Variants in CSMD1 observed in about 807,000 individuals in gnomAD.
CSMD1 encodes the protein CUB and Sushi multiple domains 1, also known as CUB and sushi domain-containing protein 1.
In CSMD1, 213 loss-of-function variants were observed where a neutral mutation model predicts 417.5. That is an observed-to-expected ratio of 0.51 (90% CI 0.46 to 0.57). CSMD1 has a LOEUF of 0.57. Among genes scored for constraint, CSMD1 ranks in the 20% least tolerant of loss-of-function variants. The probability of loss-of-function intolerance (pLI) is 0.00; values close to 1 mark genes in which losing one functional copy is unlikely to be tolerated. For synonymous variants in CSMD1, 2,862 were observed against 1,736.8 expected, an observed-to-expected ratio of 1.65 and a Z score of -16.11; for missense variants, 6,923 against 4,529.7, an observed-to-expected ratio of 1.53 and a Z score of -15.17.
At chr8:4,004,577 CAT>C (rs1408945689) in intron 4 of CSMD1, among the ~76,000 whole-genome samples, 2 of 151,888 alleles carry the variant, frequency 1.3e-5, no homozygotes, top group African/African-American at 4.8e-5. Flanking sequence ...ATAAACAAAA[CAT>C]ATTTATTTGG....
At chr8:3,286,347 T>C (rs1356445088) in intron 25 of CSMD1, among the ~76,000 whole-genome samples, 3 of 152,180 alleles carry the variant, frequency 2.0e-5, no homozygotes, top group Admixed American at 1.3e-4. Flanking sequence ...TACCCAGTAA[T>C]GGGATGGCTG....
chr8:4,729,633 G>C (rs1339181225), intron 1 of CSMD1, among the ~76,000 whole-genome samples: 1 of 152,172 alleles, frequency 6.6e-6, no homozygotes, highest in Non-Finnish European at 1.5e-5. Flanking sequence ...AGAAAGGGGG[G>C]AATGCAAACT....
intron 5 of CSMD1, among the ~76,000 whole-genome samples, chr8:3,892,251 C>T (rs1030040351): frequency 6.6e-6 from 1 of 152,154 alleles, no homozygotes; most frequent in Admixed American, 6.6e-5. Context: ...ACTCAGATAC[C>T]TGAACATTCA....
intron 2 of CSMD1, among the ~76,000 whole-genome samples, chr8:4,608,665 T>A (rs1390416678): frequency 2.6e-5 from 4 of 152,220 alleles, no homozygotes; most frequent in African/African-American, 9.6e-5. Context: ...TATTAAGCAA[T>A]GTCCTAAAGT....
At chr8:4,466,281 G>C (rs568662139) in intron 2 of CSMD1, among the ~76,000 whole-genome samples, 2 of 151,942 alleles carry the variant, frequency 1.3e-5, no homozygotes, top group African/African-American at 4.8e-5. Context: ...AGCTTGATGA[G>C]GAAGAAAACA....
chr8:4,117,016 C>CTT (rs1235688483), intron 3 of CSMD1, among the ~76,000 whole-genome samples: 1 of 151,156 alleles, frequency 6.6e-6, no homozygotes, highest in African/African-American at 2.4e-5. Context: ...GACGCTTAAC[C>CTT]TTTTTTTTTC....
At chr8:4,313,874 C>T (rs1488227700) in intron 3 of CSMD1, among the ~76,000 whole-genome samples, 1 of 151,946 alleles carries the variant, frequency 6.6e-6, no homozygotes, top group Non-Finnish European at 1.5e-5. Flanking sequence ...ATTAGCTAGG[C>T]ATGGTGGTGC....
chr8:4,018,195 T>C (rs530480015), intron 4 of CSMD1, among the ~76,000 whole-genome samples: 1 of 152,342 alleles, frequency 6.6e-6, no homozygotes, highest in South Asian at 2.1e-4. Context: ...TTTTACATAA[T>C]TTAAAAATAT....
chr8:3,139,627 C>T (rs7008336), intron 41 of CSMD1, among the ~76,000 whole-genome samples: 8,246 of 152,092 alleles, frequency 0.054, 742 homozygotes, highest in African/African-American at 0.19. Flanking sequence ...TTTTCTGGAA[C>T]TATGTTTTAG....
At chr8:4,105,899 G>A (rs1409038878) in intron 3 of CSMD1, among the ~76,000 whole-genome samples, 1 of 152,180 alleles carries the variant, frequency 6.6e-6, no homozygotes, top group Non-Finnish European at 1.5e-5. Flanking sequence ...CTCTGTGCTG[G>A]CCCCTGCAGG....
In CSMD1 at chr8:3,404,440, C is replaced by A. The variant is rs535485050; in HGVS notation, c.2266+1587G>T. Among the ~76,000 whole-genome samples the A allele has an allele frequency of 5.9e-5, 9 of 152,146 alleles. No individual in the cohort carries two copies. The South Asian group carries it at 1.9e-3, about 32-fold the overall frequency. On this transcript the variant is annotated intron_variant, in intron 15 of 69. Coordinates refer to ENST00000635120, the MANE Select transcript of CSMD1 (RefSeq NM_033225.6). Reference sequence around the variant, plus strand: ...ATGAGGTGGTGAAGGATCATGCCCCCACCATACTGTGGTTGTCATGGAGGA... The same window carrying A: ...ATGAGGTGGTGAAGGATCATGCCCCAACCATACTGTGGTTGTCATGGAGGA...
chr8:4,970,727 G>T (rs1363164001), intron 1 of CSMD1, among the ~76,000 whole-genome samples: 2 of 152,116 alleles, frequency 1.3e-5, no homozygotes, highest in African/African-American at 4.8e-5. Flanking sequence ...TTCTGAAAGA[G>T]CAAGTGTGCC....
At chr8:3,313,865 C>G (rs60199712) in intron 23 of CSMD1, among the ~76,000 whole-genome samples, 4,113 of 152,212 alleles carry the variant, frequency 0.027, 128 homozygotes, top group East Asian at 0.1. Context: ...GATTTGGAAC[C>G]AACCCAAATG....
intron 1 of CSMD1, among the ~76,000 whole-genome samples, chr8:4,965,894 G>C (rs1048555028): frequency 5.3e-5 from 8 of 152,106 alleles, no homozygotes; most frequent in Non-Finnish European, 1.2e-4. Flanking sequence ...CATAAGTAGA[G>C]AAAGATAACT....
intron 25 of CSMD1, among the ~76,000 whole-genome samples, chr8:3,284,815 T>C (rs1056577687): frequency 6.6e-6 from 1 of 152,222 alleles, no homozygotes; most frequent in Non-Finnish European, 1.5e-5. Context: ...TTACGACCTT[T>C]TCTACCTGTG....
At chr8:3,120,904 A>T (rs753582993) in intron 41 of CSMD1, among the ~76,000 whole-genome samples, 4 of 152,212 alleles carry the variant, frequency 2.6e-5, no homozygotes, top group Non-Finnish European at 5.9e-5. Context: ...CAATGATGGC[A>T]ACATTATTTG....
chr8:3,037,279 C>A (rs978372044), intron 50 of CSMD1, among the ~76,000 whole-genome samples: 2 of 149,898 alleles, frequency 1.3e-5, no homozygotes, highest in African/African-American at 4.9e-5. Flanking sequence ...GATCTCGGCT[C>A]ACTGCAAGCT....
At chr8:3,482,161 C>T (rs993528734) in intron 11 of CSMD1, among the ~76,000 whole-genome samples, 12 of 152,034 alleles carry the variant, frequency 7.9e-5, no homozygotes, top group African/African-American at 2.7e-4. Context: ...AATAAAATGC[C>T]AGACAAAGCA....
At chr8:3,961,169 T>C (rs944249978) in intron 5 of CSMD1, among the ~76,000 whole-genome samples, 7 of 152,192 alleles carry the variant, frequency 4.6e-5, no homozygotes, top group South Asian at 2.1e-4. Context: ...CACTAAGTTA[T>C]CATTTTCTCT....
Sources: gnomAD v4.1 joint callset for allele counts (sites outside exome capture counted in the v4.1 genomes callset) on GRCh38, gnomAD v4.1.1 for gene constraint, MANE v1.5 for transcripts, NCBI Gene and HGNC (gene_info 2026-07-23, HGNC 2026-07-21) for gene names.